Variants in OR5V1 observed in about 807,000 individuals in gnomAD.
OR5V1 encodes the protein olfactory receptor family 5 subfamily V member 1, also known as olfactory receptor 5V1.
For missense variants in OR5V1, 365 were observed against 371.5 expected (o/e 0.98, Z 0.14); for synonymous variants, 134 against 143.2 (o/e 0.94, Z 0.46).
intron 1 of OR5V1, among the ~76,000 whole-genome samples, chr6:29,359,254 C>T (rs1345148666): frequency 6.6e-6 from 1 of 152,156 alleles, no homozygotes; most frequent in Non-Finnish European, 1.5e-5. Context: ...CATGCCCACA[C>T]ACACTAAAAA....
rs1338793795 is a variant in OR5V1 at position 29,354,940 on chromosome 6, A to G, written c.*290T>C. On this transcript the variant is annotated 3_prime_UTR_variant, in exon 2 of 2. Transcript: ENST00000641768. ...GAAAGCAATATGAAAAAGCAGGGAAATTTTCAAGTGATGAAGTCCATTAAA... is the reference window on the plus strand; with the variant it reads ...GAAAGCAATATGAAAAAGCAGGGAAGTTTTCAAGTGATGAAGTCCATTAAA... 1 of 303,296 alleles carries G rather than the reference A, an allele frequency of 3.3e-6. No individual in the cohort carries two copies. The highest frequency in any genetic ancestry group is 6.0e-6 in the Non-Finnish European group (1 of 167,742). 18.8% of individuals were successfully genotyped at this position (303,296 alleles called of 1,614,324 possible).
intron 1 of OR5V1, among the ~76,000 whole-genome samples, chr6:29,356,874 G>A (rs941685408): frequency 6.6e-6 from 1 of 151,962 alleles, no homozygotes; most frequent in Admixed American, 6.6e-5. Context: ...ATTTTCCGTG[G>A]CAATACATTT....
At position 29,355,702 on chromosome 6, in the gene OR5V1, C is replaced by G. The variant is rs1778251455; in HGVS notation, c.494G>C (p.Cys165Ser). The change falls in exon 2 of 2, where the codon TGC (cysteine) becomes TCC (serine). Residue 165 changes from cysteine (C) to serine (S), a missense_variant. Physicochemically the swap from Cys to Ser is moderately radical, Grantham distance 112 (BLOSUM62 -1). Coordinates refer to ENST00000641768, the MANE Select transcript of OR5V1 (RefSeq NM_030876.6). ...NSVVHTVLTF[C>S]LPFCGNNQIN... ...CTGATTGTTGCCACAGAAGGGCAGG[C>G]AGAATGTCAACACTGTATGCACCAC... The G allele has an allele frequency of 7.4e-6, 12 of 1,614,000 alleles. No homozygotes were observed. The highest frequency in any genetic ancestry group is 9.3e-6 in the Non-Finnish European group (11 of 1,179,950).
chr6:29,363,749 C>T (rs1778699988), intron 1 of OR5V1, among the ~76,000 whole-genome samples: 1 of 152,104 alleles, frequency 6.6e-6, no homozygotes, highest in African/African-American at 2.4e-5. Flanking sequence ...ATTCCATACC[C>T]CTTCATGCTA....
chr6:29,355,256 A>G lies in OR5V1; in HGVS notation c.940T>C (p.Ser314Pro), dbSNP rs1778196917. Reference protein sequence around the residue: ...IGSKWQPPISSLDSKLTY With the variant: ...IGSKWQPPISPLDSKLTY ...CAATAAGTGAGTTTACTATCCAAAG[A>G]GGAAATTGGTGGCTGCCACTTGCTC... Residue 314 changes from serine to proline, a missense_variant, in exon 2 of 2, where the codon TCT becomes CCT. By Grantham distance (74) the Ser-to-Pro change is moderately conservative (BLOSUM62 -1). Transcript: ENST00000641768. 1.9e-6 allele frequency: 3 copies of G among 1,601,932 alleles called. No individual in the cohort carries two copies. The East Asian group carries it at 6.7e-5, about 36-fold the overall frequency.
chr6:29,355,113 T>G lies in OR5V1; in HGVS notation c.*117A>C. ...AAGAATAAGTACACTTAGACTGGAG[T>G]GTATCAACTCTTCAATATCTGTCCC... On this transcript the variant is annotated 3_prime_UTR_variant, in exon 2 of 2. Coordinates refer to ENST00000641768, the MANE Select transcript of OR5V1 (RefSeq NM_030876.6). The G allele has an allele frequency of 2.2e-6, 2 of 909,344 alleles. No homozygotes were observed. The highest frequency in any genetic ancestry group is 3.2e-6 in the Non-Finnish European group (2 of 617,448). 56.3% of individuals were successfully genotyped at this position (909,344 alleles called of 1,614,324 possible). A position where few individuals can be genotyped will look rare whatever the true frequency, so the allele number is the denominator to read the frequency against.
rs1778183856 is a variant in OR5V1, at chr6:29,355,015, A to AC, written c.*214_*215insG. 1 of 411,148 alleles carries AC rather than the reference A, an allele frequency of 2.4e-6. No individual in the cohort carries two copies. The highest frequency in any genetic ancestry group is 2.1e-5 in the African/African-American group (1 of 48,628). 25.5% of individuals were successfully genotyped at this position (411,148 alleles called of 1,614,324 possible). Reference sequence around the variant, plus strand: ...CAGTCTTTGAATGCAAAATTCAGGAATGGAAAAATAAATAAGAAGATAATA... The same window carrying AC: ...CAGTCTTTGAATGCAAAATTCAGGAACTGGAAAAATAAATAAGAAGATAATA... On this transcript the variant is annotated 3_prime_UTR_variant, in exon 2 of 2. Coordinates refer to ENST00000641768, the MANE Select transcript of OR5V1 (RefSeq NM_030876.6).
chr6:29,360,262 A>G (rs1223523336), intron 1 of OR5V1, among the ~76,000 whole-genome samples: 4 of 152,240 alleles, frequency 2.6e-5, no homozygotes, highest in African/African-American at 9.6e-5. Flanking sequence ...CAGCAGTCCC[A>G]GTCAGGGGCT....
chr6:29,356,742 CT>C (rs1241736402), intron 1 of OR5V1, among the ~76,000 whole-genome samples: 2 of 151,976 alleles, frequency 1.3e-5, no homozygotes, highest in Non-Finnish European at 2.9e-5. Context: ...CATTAAAAAT[CT>C]TTAGTAGTCA....
intron 1 of OR5V1, among the ~76,000 whole-genome samples, chr6:29,364,200 C>G (rs1194527270): frequency 6.6e-6 from 1 of 151,484 alleles, no homozygotes; most frequent in African/African-American, 2.4e-5. Flanking sequence ...TCACAATTAC[C>G]ATAAAAAAAT....
In OR5V1 at chr6:29,356,032, A is replaced by G; in HGVS notation, c.164T>C (p.Leu55Pro). ...TAGAAAATAATACATAGGTGTATGC[A>G]GGTGTGGATCAGTCACAGTCGTCAA... ...IILTTVTDPH[L>P]HTPMYYFLGN... The change falls in exon 2 of 2, where the codon CTG (leucine) becomes CCG (proline). Residue 55 changes from leucine (L) to proline (P), a missense_variant. Physicochemically the swap from Leu to Pro is moderately conservative, Grantham distance 98 (BLOSUM62 -3). Transcript: ENST00000641768. 1 of 1,614,090 alleles carries G rather than the reference A, an allele frequency of 6.2e-7. No individual in the cohort carries two copies. Among genetic ancestry groups the G allele is most frequent in the East Asian group, 2.2e-5 (1 of 44,886 alleles).
chr6:29,366,065 GACACT>G (rs1016953147), intron 1 of OR5V1, among the ~76,000 whole-genome samples: 3 of 152,062 alleles, frequency 2.0e-5, no homozygotes, highest in African/African-American at 7.2e-5. Context: ...CAGAAAACCA[GACACT>G]ACATGTTCTC....
chr6:29,359,259 T>C (rs9257773), intron 1 of OR5V1, among the ~76,000 whole-genome samples: 67,346 of 151,754 alleles, frequency 0.44, 15,649 homozygotes, highest in Non-Finnish European at 0.52. Context: ...CCACACACAC[T>C]AAAAACGCAC....
intron 1 of OR5V1, among the ~76,000 whole-genome samples, chr6:29,359,665 A>G (rs1188248268): frequency 6.6e-6 from 1 of 152,192 alleles, no homozygotes; most frequent in Non-Finnish European, 1.5e-5. Context: ...AGGCAGAAGC[A>G]TGGTGTGGCA....
At chr6:29,362,801 G>A (rs1778633292) in intron 1 of OR5V1, among the ~76,000 whole-genome samples, 1 of 152,040 alleles carries the variant, frequency 6.6e-6, no homozygotes, top group African/African-American at 2.4e-5. Flanking sequence ...CTAGAGCAGT[G>A]TTAAGAGAAA....
intron 1 of OR5V1, among the ~76,000 whole-genome samples, chr6:29,357,670 G>GT (rs1423538843): frequency 3.3e-5 from 5 of 151,994 alleles, no homozygotes; most frequent in Admixed American, 6.6e-5. Flanking sequence ...TTCTAGTGTA[G>GT]TTTTTTATTT....
Position 29,355,528 on chromosome 6 carries a change from G to A in OR5V1, c.668C>T (p.Ser223Phe). Residue 223 changes from serine (S) to phenylalanine (F), a missense_variant, in exon 2 of 2, where the codon TCC becomes TTC. Coordinates refer to ENST00000641768, the MANE Select transcript of OR5V1 (RefSeq NM_030876.6). Reference sequence around the variant, plus strand: ...TGAGGACTGGATCCTCAAGATGGTGGAGATTATGCAAATGTAGGAAAGTAC... The same window carrying A: ...TGAGGACTGGATCCTCAAGATGGTGAAGATTATGCAAATGTAGGAAAGTAC... ...CIVLSYICII[S>F]TILRIQSSEG... The A allele has an allele frequency of 3.1e-6, 5 of 1,614,014 alleles. No individual in the cohort carries two copies. Among genetic ancestry groups the A allele is most frequent in the Non-Finnish European group, 4.2e-6 (5 of 1,179,924 alleles).
At chr6:29,359,537 A>G (rs890875757) in intron 1 of OR5V1, among the ~76,000 whole-genome samples, 1 of 152,170 alleles carries the variant, frequency 6.6e-6, no homozygotes, top group Non-Finnish European at 1.5e-5. Flanking sequence ...GCTGAATAGG[A>G]ACAGCTCTGC....
At position 29,355,701 on chromosome 6, in the gene OR5V1, G is replaced by A. The variant is rs758961622; in HGVS notation, c.495C>T (p.Cys165=). 3 of 1,614,022 alleles carry A rather than the reference G, an allele frequency of 1.9e-6. No individual in the cohort carries two copies. Among genetic ancestry groups the A allele is most frequent in the East Asian group, 4.5e-5 (2 of 44,888 alleles). ...TCTGATTGTTGCCACAGAAGGGCAGGCAGAATGTCAACACTGTATGCACCA... is the reference window on the plus strand; with the variant it reads ...TCTGATTGTTGCCACAGAAGGGCAGACAGAATGTCAACACTGTATGCACCA... ...NSVVHTVLTF[C]LPFCGNNQIN... The change falls in exon 2 of 2, where the codon TGC becomes TGT. Residue 165 remains cysteine (C), a synonymous_variant. Transcript: ENST00000641768.
Sources: gnomAD v4.1 joint callset for allele counts (sites outside exome capture counted in the v4.1 genomes callset) on GRCh38, gnomAD v4.1.1 for gene constraint, MANE v1.5 for transcripts, NCBI Gene and HGNC (gene_info 2026-07-23, HGNC 2026-07-21) for gene names.